QRSL1: variants seen among roughly 807,000 people sequenced by gnomAD.
QRSL1 encodes glutamyl-tRNA(Gln) amidotransferase subunit A, mitochondrial.
A neutral mutation model predicts 61.6 loss-of-function variants in QRSL1; 54 were observed. The ratio of observed to expected loss-of-function variants is 0.88; its 90% CI spans 0.70 to 1.10. The LOEUF (loss-of-function observed/expected upper bound fraction) is 1.10, where lower values mean the gene tolerates loss of function less well. Ranked by LOEUF, QRSL1 falls within the 50% of genes least tolerant of loss-of-function variation. QRSL1 has a pLI of 0.00. For missense variants in QRSL1, 505 were observed against 622.6 expected (o/e 0.81, Z 2.01); for synonymous variants, 228 against 225.7 (o/e 1.01, Z -0.09).
chr6:106,654,432 G>C (rs771521143), intron 7 of QRSL1, among the ~76,000 whole-genome samples: 2 of 151,296 alleles, frequency 1.3e-5, no homozygotes, highest in Admixed American at 1.3e-4. Context: ...CTGATATGCT[G>C]TTAGGTTCCT....
Position 106,668,093 on chromosome 6 carries a change from C to T in QRSL1, c.*2091C>T, listed in dbSNP as rs763883581. Reference sequence around the variant, plus strand: ...AAAGACGTGAGCCACCACACCTGGCCGAAATAATAATATTCAATATTATAT... The same window carrying T: ...AAAGACGTGAGCCACCACACCTGGCTGAAATAATAATATTCAATATTATAT... On this transcript the variant is annotated 3_prime_UTR_variant, in exon 11 of 11. Transcript: ENST00000369046. 18 of 151,448 alleles carry T rather than the reference C, an allele frequency of 1.2e-4. No individual in the cohort carries two copies. The highest frequency in any genetic ancestry group is 2.5e-4 in the Non-Finnish European group (17 of 67,964). The allele number at this position is 151,448 out of a possible 1,614,324, so 9.4% of individuals were successfully genotyped here. A position where few individuals can be genotyped will look rare whatever the true frequency, so the allele number is the denominator to read the frequency against.
intron 3 of QRSL1, 120 bp from the exon 4 acceptor site, chr6:106,642,874 C>A: frequency 1.2e-6 from 1 of 816,208 alleles, no homozygotes; most frequent in Non-Finnish European, 2.1e-6. Context: ...GTGTGAGAAC[C>A]AATGGGAAGG....
At chr6:106,629,819 T>C in intron 1 of QRSL1, 114 bp downstream of exon 1, 1 of 1,267,972 alleles carries the variant, frequency 7.9e-7, no homozygotes. Context: ...CTGCTTCCTC[T>C]AGAACTGAGT....
At chr6:106,641,452 T>C (rs1364520669) in intron 3 of QRSL1, among the ~76,000 whole-genome samples, 1 of 152,244 alleles carries the variant, frequency 6.6e-6, no homozygotes. Context: ...TTATTTTTTA[T>C]TTCCTGATTC....
At chr6:106,654,073 TG>T (rs894874731) in intron 7 of QRSL1, among the ~76,000 whole-genome samples, 1 of 152,092 alleles carries the variant, frequency 6.6e-6, no homozygotes, top group African/African-American at 2.4e-5. Context: ...TCTAACAGGC[TG>T]GGCACGGTGG....
rs767932701 is a variant in QRSL1, at chr6:106,629,638, C to T, written c.-44C>T. 7.0e-6 allele frequency: 11 copies of T among 1,581,998 alleles called. No homozygotes were observed. The highest frequency in any genetic ancestry group is 5.4e-5 in the African/African-American group (4 of 74,062). ...CACTAGCGACCGGTGACCTCTTTTT[C>T]CCCCTTGCCTGGCTCCTGTGGTGGC... On this transcript the variant is annotated 5_prime_UTR_variant, in exon 1 of 11. Coordinates refer to ENST00000369046, the MANE Select transcript of QRSL1 (RefSeq NM_018292.5).
chr6:106,646,654 A>C (rs976651740), intron 4 of QRSL1, among the ~76,000 whole-genome samples: 3 of 151,962 alleles, frequency 2.0e-5, no homozygotes, highest in Non-Finnish European at 4.4e-5. Flanking sequence ...AAATTAAAAA[A>C]AACAGGGAAA....
chr6:106,636,927 A>C (rs1044937177), intron 1 of QRSL1, among the ~76,000 whole-genome samples: 1 of 151,276 alleles, frequency 6.6e-6, no homozygotes, highest in African/African-American at 2.4e-5. Context: ...AAAAATTACT[A>C]TAAACTTTGT....
chr6:106,639,384 A>G (rs990359235), intron 1 of QRSL1, among the ~76,000 whole-genome samples: 2 of 152,042 alleles, frequency 1.3e-5, no homozygotes. Flanking sequence ...TTGGCCTCCC[A>G]AAGTGCTGGG....
In QRSL1 at chr6:106,668,186, TACATGAGC is replaced by T. The variant is rs1777471542; in HGVS notation, c.*2185_*2192del. 1 of 152,156 alleles carries T rather than the reference TACATGAGC, an allele frequency of 6.6e-6. No individual in the cohort carries two copies. The highest frequency in any genetic ancestry group is 6.5e-5 in the Admixed American group (1 of 15,272). The allele number at this position is 152,156 out of a possible 1,614,324, so 9.4% of individuals were successfully genotyped here. On this transcript the variant is annotated 3_prime_UTR_variant, in exon 11 of 11. Coordinates refer to ENST00000369046, the MANE Select transcript of QRSL1 (RefSeq NM_018292.5). ...ATTAAATCTCTTGTTCCTGTATCTC[TACATGAGC>T]TGCACTAATAATTTGAATCTGGAAA...
At chr6:106,641,842 CTATCATGCAATATTT>C (rs1410879486) in intron 3 of QRSL1, among the ~76,000 whole-genome samples, 2 of 152,122 alleles carry the variant, frequency 1.3e-5, no homozygotes, top group Non-Finnish European at 2.9e-5. Flanking sequence ...ACATCTCTGA[CTATCATGCAATATTT>C]TGTAGAACTA....
At chr6:106,647,152 A>C (rs1464449772) in intron 4 of QRSL1, among the ~76,000 whole-genome samples, 1 of 152,160 alleles carries the variant, frequency 6.6e-6, no homozygotes, top group African/African-American at 2.4e-5. Context: ...AAATATTTGC[A>C]AAACATGTAT....
chr6:106,647,808 G>A (rs1402242165), intron 4 of QRSL1, among the ~76,000 whole-genome samples: 7 of 147,182 alleles, frequency 4.8e-5, no homozygotes, highest in South Asian at 2.2e-4. Flanking sequence ...CCGCCACCAC[G>A]CCCGGCTAAT....
intron 4 of QRSL1, among the ~76,000 whole-genome samples, chr6:106,647,013 G>T (rs1777115800): frequency 9.0e-6 from 1 of 111,048 alleles, no homozygotes; most frequent in African/African-American, 3.5e-5. Context: ...GGGTGACAGA[G>T]CAAGACTCCT....
At position 106,665,989 on chromosome 6, in the gene QRSL1, C is replaced by T; in HGVS notation, c.1574C>T (p.Ser525Phe). The change falls in exon 11 of 11, where the codon TCT (serine) becomes TTT (phenylalanine). Residue 525 changes from serine to phenylalanine, a missense_variant. Physicochemically the swap from Ser to Phe is radical, Grantham distance 155. Coordinates refer to ENST00000369046, the MANE Select transcript of QRSL1 (RefSeq NM_018292.5). ...GAAAATGAAAAGTTAGCCTCTGTCTCTCTAAAACAGTAAACATATCTTACA... is the reference window on the plus strand; with the variant it reads ...GAAAATGAAAAGTTAGCCTCTGTCTTTCTAAAACAGTAAACATATCTTACA... The part of the protein sequence containing the change: ...VLENEKLASV[S>F]LKQ 1 of 1,613,516 alleles carries T rather than the reference C, an allele frequency of 6.2e-7. No individual in the cohort carries two copies. Among genetic ancestry groups the T allele is most frequent in the Non-Finnish European group, 8.5e-7 (1 of 1,179,512 alleles).
intron 4 of QRSL1, among the ~76,000 whole-genome samples, chr6:106,646,725 C>T (rs1777110799): frequency 6.6e-6 from 1 of 151,630 alleles, no homozygotes; most frequent in African/African-American, 2.4e-5. Context: ...AGCACAAATC[C>T]ACTTAAAAAA....
rs145256157 is a variant in QRSL1 at position 106,644,188 on chromosome 6, C to T, written c.380+1098C>T. On this transcript the variant is annotated intron_variant, in intron 4 of 10. Coordinates refer to ENST00000369046, the MANE Select transcript of QRSL1 (RefSeq NM_018292.5). Reference sequence around the variant, plus strand: ...CGCCCGGCCTTCTTTTCTTTCTTTCCTTTTGTTTTCTTCCTTTCATATAGA... The same window carrying T: ...CGCCCGGCCTTCTTTTCTTTCTTTCTTTTTGTTTTCTTCCTTTCATATAGA... Among the ~76,000 whole-genome samples the T allele has an allele frequency of 4.2e-3, 634 of 152,180 alleles. 6 individuals are homozygous for T. The highest frequency in any genetic ancestry group is 0.041 in the East Asian group (214 of 5,172).
chr6:106,639,116 G>GGTTT (rs1192526609), intron 1 of QRSL1, among the ~76,000 whole-genome samples: 1 of 54,356 alleles, frequency 1.8e-5, no homozygotes, highest in African/African-American at 6.8e-5. Context: ...TGTGTGTTTT[G>GGTTT]TTGTTTTTTT....
At chr6:106,633,672 G>C (rs558090318) in intron 1 of QRSL1, among the ~76,000 whole-genome samples, 2 of 152,334 alleles carry the variant, frequency 1.3e-5, no homozygotes, top group African/African-American at 4.8e-5. Flanking sequence ...CATGATCCCA[G>C]TGTTTCTAGG....
Sources: gnomAD v4.1 joint callset for allele counts (sites outside exome capture counted in the v4.1 genomes callset) on GRCh38, gnomAD v4.1.1 for gene constraint, MANE v1.5 for transcripts, NCBI Gene and HGNC (gene_info 2026-07-23, HGNC 2026-07-21) for gene names.